The following LRP1B variants were observed in gnomAD, a reference collection of about 807,000 sequenced individuals.
LRP1B encodes LDL receptor related protein 1B.
A neutral mutation model predicts 556.6 loss-of-function variants in LRP1B; 217 were observed. The observed-to-expected ratio is 0.39, with a 90% CI of 0.35 to 0.44. The LOEUF (loss-of-function observed/expected upper bound fraction) is 0.44, where lower values mean the gene tolerates loss of function less well. LRP1B is among the 20% of genes least tolerant of loss of function. The pLI, the probability that LRP1B is intolerant of heterozygous loss-of-function variation, is 1.00. For synonymous variants in LRP1B, 2,047 were observed against 1,865.8 expected, an observed-to-expected ratio of 1.10 and a Z score of -2.50; for missense variants, 5,053 against 5,620.8, an observed-to-expected ratio of 0.90 and a Z score of 3.23.
At chr2:141,783,902 A>T (rs969774544) in intron 2 of LRP1B, among the ~76,000 whole-genome samples, 5 of 151,848 alleles carry the variant, frequency 3.3e-5, no homozygotes, top group African/African-American at 1.2e-4. Flanking sequence ...TTTTCTGAGG[A>T]TATATTAGAC....
At chr2:141,275,449 C>T (rs895457417) in intron 3 of LRP1B, among the ~76,000 whole-genome samples, 2 of 152,164 alleles carry the variant, frequency 1.3e-5, no homozygotes, top group Admixed American at 1.3e-4. Context: ...TGGCTCATGC[C>T]TGCAATCCCA....
At chr2:141,086,274 A>G (rs1484695165) in intron 7 of LRP1B, among the ~76,000 whole-genome samples, 1 of 152,234 alleles carries the variant, frequency 6.6e-6, no homozygotes, top group Non-Finnish European at 1.5e-5. Context: ...TATATTGACA[A>G]TTGGAAGTAA....
chr2:140,941,658 C>T (rs1695407134), intron 20 of LRP1B, among the ~76,000 whole-genome samples: 1 of 152,124 alleles, frequency 6.6e-6, no homozygotes, highest in Admixed American at 6.6e-5. Context: ...CCATGGGAAC[C>T]TATCTACAAC....
chr2:140,344,355 TA>T (rs1490117944), intron 77 of LRP1B, among the ~76,000 whole-genome samples: 2 of 151,798 alleles, frequency 1.3e-5, no homozygotes, highest in South Asian at 2.1e-4. Flanking sequence ...AAAGCTAACA[TA>T]AAGTAGCCAA....
intron 41 of LRP1B, among the ~76,000 whole-genome samples, chr2:140,625,718 C>T (rs1239062642): frequency 6.6e-6 from 1 of 152,094 alleles, no homozygotes; most frequent in Non-Finnish European, 1.5e-5. Context: ...AGAACAGTGA[C>T]TACATAAAAT....
intron 6 of LRP1B, among the ~76,000 whole-genome samples, chr2:141,226,673 G>T (rs1395123815): frequency 3.3e-5 from 5 of 151,968 alleles, no homozygotes; most frequent in Non-Finnish European, 7.4e-5. Flanking sequence ...TTGCTTATAT[G>T]GTATGACAAA....
chr2:140,852,038 G>A (rs1327525496), intron 27 of LRP1B, among the ~76,000 whole-genome samples: 5 of 152,108 alleles, frequency 3.3e-5, no homozygotes, highest in Non-Finnish European at 5.9e-5. Flanking sequence ...CTATTGCTTC[G>A]AGGTAGTGGC....
At chr2:140,753,079 T>C (rs1688637554) in intron 35 of LRP1B, among the ~76,000 whole-genome samples, 2 of 152,232 alleles carry the variant, frequency 1.3e-5, no homozygotes, top group Admixed American at 1.3e-4. Flanking sequence ...ATCTTTTTAC[T>C]GTCTCCATAG....
intron 43 of LRP1B, among the ~76,000 whole-genome samples, chr2:140,553,930 T>C (rs1160695461): frequency 2.6e-5 from 4 of 152,038 alleles, no homozygotes; most frequent in Non-Finnish European, 5.9e-5. Flanking sequence ...CTAATCTATT[T>C]ATCTAACTCA....
intron 82 of LRP1B, among the ~76,000 whole-genome samples, chr2:140,318,409 C>T (rs1412271901): frequency 6.6e-6 from 1 of 151,958 alleles, no homozygotes; most frequent in Non-Finnish European, 1.5e-5. Flanking sequence ...AAACACATCT[C>T]CAAAAAAAGT....
At chr2:140,728,302 G>A (rs1486791407) in intron 35 of LRP1B, among the ~76,000 whole-genome samples, 1 of 152,094 alleles carries the variant, frequency 6.6e-6, no homozygotes, top group East Asian at 1.9e-4. Context: ...GTCAGTTCTT[G>A]CAGCCCTATT....
At chr2:140,735,056 G>T (rs1455655851) in intron 35 of LRP1B, among the ~76,000 whole-genome samples, 1 of 152,144 alleles carries the variant, frequency 6.6e-6, no homozygotes, top group East Asian at 1.9e-4. Flanking sequence ...TGATGGGAGT[G>T]GGCTGAGAAA....
Position 141,338,807 on chromosome 2 carries a change from G to A in LRP1B, c.344-84166C>T, listed in dbSNP as rs539363754. On this transcript the variant is annotated intron_variant, in intron 3 of 90. Transcript: ENST00000389484. ...TAAAATGAAAATCTTACTCTGTCAC[G>A]TCTCCATTTAAAGAACCCAAAGCTC... is the stretch of plus-strand genomic sequence containing the variant. Among the ~76,000 whole-genome samples, 19 of 152,108 alleles carry A rather than the reference G, an allele frequency of 1.2e-4. No individual in the cohort carries two copies. The East Asian group carries it at 1.9e-3, about 16-fold the overall frequency.
In LRP1B at chr2:142,115,595, T is replaced by C. The variant is rs1377582751; in HGVS notation, c.82+15053A>G. ...TATTATATATGTAATATATATATTATATATGTAATATATATTATATATATG... is the reference window on the plus strand; with the variant it reads ...TATTATATATGTAATATATATATTACATATGTAATATATATTATATATATG... On this transcript the variant is annotated intron_variant, in intron 1 of 90. Coordinates refer to ENST00000389484, the MANE Select transcript of LRP1B (RefSeq NM_018557.3). Among the ~76,000 whole-genome samples, 87 of 36,562 alleles carry C rather than the reference T, an allele frequency of 2.4e-3. 23 individuals are homozygous for C. The highest frequency in any genetic ancestry group is 3.8e-3 in the Non-Finnish European group (78 of 20,530). The allele number at this position is 36,562 out of a possible 152,430, so 24.0% of individuals were successfully genotyped here.
chr2:141,391,404 A>G (rs1690044313), intron 3 of LRP1B, among the ~76,000 whole-genome samples: 1 of 152,218 alleles, frequency 6.6e-6, no homozygotes, highest in Non-Finnish European at 1.5e-5. Flanking sequence ...AGTGAAGGAC[A>G]GTATTACAAG....
chr2:141,218,389 G>T (rs1387042456), intron 6 of LRP1B, among the ~76,000 whole-genome samples: 4 of 152,118 alleles, frequency 2.6e-5, no homozygotes, highest in African/African-American at 9.7e-5. Flanking sequence ...CAACCTAGGT[G>T]CCCATCAATT....
chr2:140,680,197 G>A (rs1037764566), intron 41 of LRP1B, among the ~76,000 whole-genome samples: 58 of 152,174 alleles, frequency 3.8e-4, no homozygotes, highest in African/African-American at 1.3e-3. Flanking sequence ...ATTAGACAGA[G>A]ATTAAATGAA....
At chr2:141,277,544 A>T (rs1218323751) in intron 3 of LRP1B, among the ~76,000 whole-genome samples, 2 of 150,396 alleles carry the variant, frequency 1.3e-5, no homozygotes, top group African/African-American at 4.9e-5. Flanking sequence ...CTTCAGGCTG[A>T]TTAACTGAAC....
At chr2:141,144,988 C>A (rs1235115184) in intron 7 of LRP1B, among the ~76,000 whole-genome samples, 1 of 152,178 alleles carries the variant, frequency 6.6e-6, no homozygotes, top group African/African-American at 2.4e-5. Flanking sequence ...TCTCCAAAAT[C>A]ATTAAGTGCT....
Sources: gnomAD v4.1 joint callset for allele counts (sites outside exome capture counted in the v4.1 genomes callset) on GRCh38, gnomAD v4.1.1 for gene constraint, MANE v1.5 for transcripts, NCBI Gene and HGNC (gene_info 2026-07-23, HGNC 2026-07-21) for gene names.